SGTB: variants seen among roughly 807,000 people sequenced by gnomAD.
The protein encoded by SGTB is small glutamine rich tetratricopeptide repeat co-chaperone beta, also known as small glutamine-rich tetratricopeptide repeat-containing protein beta.
Under a neutral mutation model 43.9 loss-of-function variants are expected in SGTB, and 19 were observed. The ratio of observed to expected loss-of-function variants is 0.43; its 90% CI spans 0.30 to 0.63. The LOEUF (loss-of-function observed/expected upper bound fraction) is 0.63. SGTB is among the 30% of genes least tolerant of loss of function. The pLI is 0.12. For synonymous variants in SGTB, 116 were observed against 117.3 expected (o/e 0.99, Z 0.07); for missense variants, 304 against 358.9 (o/e 0.85, Z 1.24).
intron 8 of SGTB, among the ~76,000 whole-genome samples, chr5:65,678,177 A>G (rs1757319431): frequency 6.6e-6 from 1 of 152,228 alleles, no homozygotes; most frequent in Non-Finnish European, 1.5e-5. Context: ...ATGTGCAAAA[A>G]TTGCTAGCAT....
intron 5 of SGTB, among the ~76,000 whole-genome samples, chr5:65,692,071 A>C (rs1483848757): frequency 6.6e-6 from 1 of 152,136 alleles, no homozygotes; most frequent in Non-Finnish European, 1.5e-5. Flanking sequence ...TGAATAGCGA[A>C]TTTTTAAAAA....
At chr5:65,699,717 C>CA (rs1383282800) in intron 5 of SGTB, among the ~76,000 whole-genome samples, 4 of 152,192 alleles carry the variant, frequency 2.6e-5, no homozygotes, top group Non-Finnish European at 4.4e-5. Context: ...CTCAGCCTTC[C>CA]AAAGTGCTGG....
chr5:65,697,740 A>C (rs1403326467), intron 5 of SGTB, among the ~76,000 whole-genome samples: 1 of 152,200 alleles, frequency 6.6e-6, no homozygotes, highest in Non-Finnish European at 1.5e-5. Context: ...CTTCTTAAGG[A>C]TATGACCTCC....
At chr5:65,689,153 A>T (rs1757555075) in intron 5 of SGTB, among the ~76,000 whole-genome samples, 1 of 152,326 alleles carries the variant, frequency 6.6e-6, no homozygotes. Context: ...ATCTTTAATA[A>T]ATGCATATTC....
Position 65,708,475 on chromosome 5 carries a change from T to C in SGTB, c.274+14A>G. The C allele has an allele frequency of 6.2e-7, 1 of 1,606,462 alleles. No individual in the cohort carries two copies. Among genetic ancestry groups the C allele is most frequent in the South Asian group, 1.1e-5 (1 of 89,248 alleles). On this transcript the variant is annotated intron_variant, in intron 4 of 10. Coordinates refer to ENST00000381007, the MANE Select transcript of SGTB (RefSeq NM_019072.3). ...AGCTTTACTAAGTAAGTCATTTTTG[T>C]ATGAAATATTCACCTTCATCTTTTA...
intron 4 of SGTB, 80 bp from the exon 5 acceptor site, chr5:65,704,458 G>A: frequency 1.1e-5 from 11 of 1,035,308 alleles, no homozygotes; most frequent in Non-Finnish European, 1.5e-5. Flanking sequence ...TTTTAATCGT[G>A]GAAACTATAA....
chr5:65,675,360 T>C (rs1757247174), intron 8 of SGTB, among the ~76,000 whole-genome samples: 1 of 152,176 alleles, frequency 6.6e-6, no homozygotes, highest in Non-Finnish European at 1.5e-5. Flanking sequence ...ATGTTAGATA[T>C]CTTCCTAGGA....
rs78749199 is a variant in SGTB, at chr5:65,716,332, A to G, written c.101-3268T>C. On this transcript the variant is annotated intron_variant, in intron 2 of 10. Coordinates refer to ENST00000381007, the MANE Select transcript of SGTB (RefSeq NM_019072.3). ...TCAAATTATATAGATCCTTTAAACA[A>G]TGTTTTGAGTAGATAAATGATAGAA... Among the ~76,000 whole-genome samples, 120 of 152,310 alleles carry G rather than the reference A, an allele frequency of 7.9e-4. 1 individual carries two copies. Among genetic ancestry groups the G allele is most frequent in the East Asian group, 7.3e-3 (38 of 5,180 alleles).
chr5:65,708,712 G>A (rs1263575155), intron 3 of SGTB, among the ~76,000 whole-genome samples, 154 bp from the exon 4 acceptor site: 2 of 152,000 alleles, frequency 1.3e-5, no homozygotes, highest in Non-Finnish European at 2.9e-5. Context: ...AACAAAAATA[G>A]GGGAAAAGTC....
At chr5:65,682,602 T>A (rs1026338974) in intron 6 of SGTB, among the ~76,000 whole-genome samples, 1 of 152,214 alleles carries the variant, frequency 6.6e-6, no homozygotes, top group African/African-American at 2.4e-5. Context: ...ATGTCAGGCG[T>A]AATAACAATG....
chr5:65,689,445 A>G (rs1757561327), intron 5 of SGTB, among the ~76,000 whole-genome samples: 1 of 152,136 alleles, frequency 6.6e-6, no homozygotes, highest in South Asian at 2.1e-4. Context: ...AAATCTTTCA[A>G]CTCAAAGTTT....
chr5:65,688,958 C>T (rs1253770610), intron 5 of SGTB, among the ~76,000 whole-genome samples: 3 of 151,822 alleles, frequency 2.0e-5, no homozygotes, highest in East Asian at 1.9e-4. Context: ...TACAGGCGCC[C>T]GCCACCACGC....
chr5:65,717,817 T>C (rs1048072556), intron 2 of SGTB, among the ~76,000 whole-genome samples: 2 of 152,118 alleles, frequency 1.3e-5, no homozygotes, highest in South Asian at 2.1e-4. Flanking sequence ...GTCAGCAAAG[T>C]TGTGTGTTTT....
intron 5 of SGTB, among the ~76,000 whole-genome samples, chr5:65,700,376 AAAG>A (rs1414313790): frequency 6.6e-6 from 1 of 152,198 alleles, no homozygotes; most frequent in Non-Finnish European, 1.5e-5. Context: ...CTGTCATGAA[AAAG>A]AAGAATGAGC....
intron 9 of SGTB, 122 bp from the exon 10 acceptor site, chr5:65,672,120 G>C: frequency 6.4e-7 from 1 of 1,566,434 alleles, no homozygotes; most frequent in Non-Finnish European, 8.8e-7. Context: ...AATGTGTGTG[G>C]CTTTAAGCTC....
At position 65,699,447 on chromosome 5, in the gene SGTB, C is replaced by T. The variant is rs921339079; in HGVS notation, c.374+4832G>A. ...CATGTTGGGTACAATGTACACTACT[C>T]GGGTGATAGTTTCACTAAAATCTCA... On this transcript the variant is annotated intron_variant, in intron 5 of 10. Coordinates refer to ENST00000381007, the MANE Select transcript of SGTB (RefSeq NM_019072.3). 3.3e-5 allele frequency among the ~76,000 whole-genome samples: 5 copies of T among 152,140 alleles called. No individual in the cohort carries two copies. In the South Asian group the frequency reaches 6.2e-4, roughly 19 times the overall value.
At chr5:65,721,895 T>C (rs1023618845) in intron 1 of SGTB, 22 bp downstream of exon 1, 2 of 152,114 alleles carry the variant, frequency 1.3e-5, no homozygotes, top group Admixed American at 6.5e-5. Context: ...AGGCGCACCC[T>C]TGCCAGACAG....
In SGTB at chr5:65,671,951, A is replaced by G. The variant is rs1437805746; in HGVS notation, c.767T>C (p.Val256Ala). 1.2e-6 allele frequency: 2 copies of G among 1,613,834 alleles called. No individual in the cohort carries two copies. The highest frequency in any genetic ancestry group is 1.3e-5 in the African/African-American group (1 of 74,886). ...GCTTGACAGGTCAGTTAGGCCCCCA[A>G]CTCCAGCAGCAGGTCCCCCAATGGC... ...TNAIGGPAAG[V>A]GGLTDLSSLI... Residue 256 changes from valine (V) to alanine (A), a missense_variant, in exon 10 of 11, where the codon GTT becomes GCT. Coordinates refer to ENST00000381007, the MANE Select transcript of SGTB (RefSeq NM_019072.3).
rs201831582 is a variant in SGTB, at chr5:65,713,139, C to A, written c.101-75G>T. Reference sequence around the variant, plus strand: ...AACAAGTTTTTTTTTTCTGATAGAACTGCAATGTATGGAAATTCAGTATTT... The same window carrying A: ...AACAAGTTTTTTTTTTCTGATAGAAATGCAATGTATGGAAATTCAGTATTT... On this transcript the variant is annotated intron_variant, in intron 2 of 10. Coordinates refer to ENST00000381007, the MANE Select transcript of SGTB (RefSeq NM_019072.3). The A allele has an allele frequency of 8.9e-6, 9 of 1,016,386 alleles. No individual in the cohort carries two copies. The East Asian group carries it at 2.3e-4, about 26-fold the overall frequency. 63.0% of individuals were successfully genotyped at this position (1,016,386 alleles called of 1,614,324 possible).
Sources: gnomAD v4.1 joint callset for allele counts (sites outside exome capture counted in the v4.1 genomes callset) on GRCh38, gnomAD v4.1.1 for gene constraint, MANE v1.5 for transcripts, NCBI Gene and HGNC (gene_info 2026-07-23, HGNC 2026-07-21) for gene names.